RBMS3: variants seen among roughly 807,000 people sequenced by gnomAD.
The protein encoded by RBMS3 is RNA binding motif single stranded interacting protein 3.
RBMS3 carries 27 observed loss-of-function variants against 66.8 expected under a neutral mutation model. The observed-to-expected ratio is 0.40, with a 90% CI of 0.30 to 0.56. The LOEUF (loss-of-function observed/expected upper bound fraction) is 0.56, where lower values mean the gene tolerates loss of function less well. Ranked by LOEUF, RBMS3 falls within the 20% of genes least tolerant of loss-of-function variation. The pLI is 0.40. For synonymous variants in RBMS3, 188 were observed against 183.0 expected (o/e 1.03, Z -0.22); for missense variants, 513 against 549.5 (o/e 0.93, Z 0.66).
chr3:29,376,155 A>G (rs1272906990), intron 1 of RBMS3, among the ~76,000 whole-genome samples: 2 of 136,310 alleles, frequency 1.5e-5, no homozygotes, highest in African/African-American at 5.5e-5. Flanking sequence ...ACACATGAAC[A>G]CATGATGGGG....
chr3:29,969,751 TG>T (rs1260441453), intron 12 of RBMS3, among the ~76,000 whole-genome samples: 1 of 152,120 alleles, frequency 6.6e-6, no homozygotes, highest in African/African-American at 2.4e-5. Flanking sequence ...GGTAGTGAAA[TG>T]GGGGTCATAG....
chr3:29,473,384 T>G (rs145655009), intron 2 of RBMS3, among the ~76,000 whole-genome samples: 17,958 of 145,140 alleles, frequency 0.12, 1,801 homozygotes, highest in African/African-American at 0.26. Context: ...CACAAACCCT[T>G]AGCTAGACAT....
chr3:29,846,560 A>G (rs1331394435), intron 6 of RBMS3, among the ~76,000 whole-genome samples: 2 of 152,126 alleles, frequency 1.3e-5, no homozygotes, highest in Non-Finnish European at 2.9e-5. Flanking sequence ...TTTAGTTTAG[A>G]TTATGCCTAT....
chr3:29,322,720 G>A (rs2035080922), intron 1 of RBMS3, among the ~76,000 whole-genome samples: 1 of 152,058 alleles, frequency 6.6e-6, no homozygotes, highest in East Asian at 1.9e-4. Flanking sequence ...ATTTGTGGAT[G>A]GTTCCTTGGA....
intron 7 of RBMS3, among the ~76,000 whole-genome samples, chr3:29,873,643 G>C (rs2059543893): frequency 6.6e-6 from 1 of 152,158 alleles, no homozygotes; most frequent in African/African-American, 2.4e-5. Context: ...AGTGTTGAGA[G>C]AGGGCATCCT....
At chr3:29,969,317 A>G (rs533405091) in intron 12 of RBMS3, among the ~76,000 whole-genome samples, 20 of 152,226 alleles carry the variant, frequency 1.3e-4, no homozygotes, top group Non-Finnish European at 2.9e-4. Context: ...CTAAATTCAT[A>G]TGATCTCCCC....
At chr3:29,792,705 T>G (rs75253568) in intron 6 of RBMS3, among the ~76,000 whole-genome samples, 3,586 of 152,314 alleles carry the variant, frequency 0.024, 162 homozygotes, top group African/African-American at 0.082. Context: ...AAAAATGCTG[T>G]TTATTTTTCT....
At chr3:29,461,655 T>C (rs995794917) in intron 2 of RBMS3, among the ~76,000 whole-genome samples, 1 of 152,194 alleles carries the variant, frequency 6.6e-6, no homozygotes, top group African/African-American at 2.4e-5. Context: ...TATTTTGGAG[T>C]ATAGCAAGAG....
At chr3:29,683,723 C>G (rs2051597825) in intron 4 of RBMS3, among the ~76,000 whole-genome samples, 1 of 152,294 alleles carries the variant, frequency 6.6e-6, no homozygotes, top group South Asian at 2.1e-4. Flanking sequence ...AACTTGGGAA[C>G]AGAGACAGTC....
chr3:29,785,624 G>A (rs185509246), intron 6 of RBMS3, among the ~76,000 whole-genome samples: 125 of 152,034 alleles, frequency 8.2e-4, no homozygotes, highest in African/African-American at 2.9e-3. Flanking sequence ...TGCAGAAAAA[G>A]CATTTGACAA....
chr3:29,447,232 TTTTG>T (rs1423883344), intron 2 of RBMS3, among the ~76,000 whole-genome samples: 4 of 152,216 alleles, frequency 2.6e-5, no homozygotes, highest in East Asian at 1.9e-4. Flanking sequence ...TTAAAGAAAA[TTTTG>T]TTTATTAAAA....
intron 1 of RBMS3, among the ~76,000 whole-genome samples, chr3:29,380,160 T>A (rs1262212607): frequency 6.6e-6 from 1 of 151,494 alleles, no homozygotes; most frequent in Non-Finnish European, 1.5e-5. Context: ...TTCAGCCAGG[T>A]TAAAGAATAT....
Position 29,997,994 on chromosome 3 carries a change from T to C in RBMS3, c.1308-5862T>C, listed in dbSNP as rs1164921823. On this transcript the variant is annotated intron_variant, in intron 14 of 14. Transcript: ENST00000383767. ...AAGTCAAATTGTCCCTGTTTGCAGA[T>C]GACATGATTGTATATCTAGAAAACC... Among the ~76,000 whole-genome samples the C allele has an allele frequency of 3.3e-5, 5 of 152,310 alleles. No individual in the cohort carries two copies. The South Asian group carries it at 8.3e-4, about 25-fold the overall frequency.
chr3:29,903,546 A>C (rs1289479696), intron 10 of RBMS3, among the ~76,000 whole-genome samples: 4 of 152,040 alleles, frequency 2.6e-5, no homozygotes, highest in African/African-American at 9.7e-5. Flanking sequence ...ATGTCATATG[A>C]ATACACAGTT....
intron 1 of RBMS3, among the ~76,000 whole-genome samples, chr3:29,375,402 C>T (rs559971323): frequency 6.6e-6 from 1 of 152,322 alleles, no homozygotes; most frequent in East Asian, 1.9e-4. Context: ...AAACTATCAT[C>T]AGAGTGAACA....
intron 6 of RBMS3, among the ~76,000 whole-genome samples, chr3:29,845,339 C>T (rs2058751990): frequency 6.6e-6 from 1 of 152,174 alleles, no homozygotes; most frequent in Non-Finnish European, 1.5e-5. Context: ...AAAAATAGGT[C>T]TCCCCTCATA....
At chr3:29,899,858 C>T (rs2060212748) in intron 10 of RBMS3, 103 bp downstream of exon 10, 1 of 1,108,496 alleles carries the variant, frequency 9.0e-7, no homozygotes, top group Non-Finnish European at 1.3e-6. Context: ...TAATATGTAA[C>T]TCGTTCAGGC....
intron 1 of RBMS3, among the ~76,000 whole-genome samples, chr3:29,311,194 T>C (rs562216897): frequency 5.3e-5 from 8 of 151,814 alleles, no homozygotes; most frequent in Non-Finnish European, 1.2e-4. Flanking sequence ...TGCAAACAGA[T>C]TGGAGGTGGG....
chr3:29,320,811 A>C lies in RBMS3; in HGVS notation c.75+39055A>C, dbSNP rs184984644. On this transcript the variant is annotated intron_variant, in intron 1 of 14. Coordinates refer to ENST00000383767, the MANE Select transcript of RBMS3 (RefSeq NM_001003793.3). The stretch of plus-strand genomic sequence containing the variant: ...TTAAGAGGTACAGAAATGCAGATAA[A>C]AATACTCCTTAATAGAAAGGTCAGT... Among the ~76,000 whole-genome samples, 18 of 152,124 alleles carry C rather than the reference A, an allele frequency of 1.2e-4. 1 individual carries two copies. Among genetic ancestry groups the C allele is most frequent in the Admixed American group, 1.1e-3 (17 of 15,258 alleles).
Sources: allele counts gnomAD v4.1 joint callset (sites outside exome capture counted in the v4.1 genomes callset), GRCh38; gene constraint gnomAD v4.1.1; transcripts MANE v1.5; gene names NCBI Gene and HGNC (gene_info 2026-07-23, HGNC 2026-07-21).